The following P2RY6 variants were observed in gnomAD, a reference collection of about 807,000 sequenced individuals.
The protein encoded by P2RY6 is pyrimidinergic receptor P2Y6, also known as P2Y purinoceptor 6.
A neutral mutation model predicts 16.3 loss-of-function variants in P2RY6; 19 were observed. The observed-to-expected ratio is 1.16, with a 90% confidence interval of 0.81 to 1.71. The LOEUF is 1.71. Ranked by LOEUF, P2RY6 falls within the 40% of genes most tolerant of loss-of-function variation. The pLI, the probability that P2RY6 is intolerant of heterozygous loss-of-function variation, is 0.00. For missense variants in P2RY6, 389 were observed against 455.5 expected, an observed-to-expected ratio of 0.85 and a Z score of 1.33; for synonymous variants, 184 against 201.5, an observed-to-expected ratio of 0.91 and a Z score of 0.74.
chr11:73,285,274 A>C (rs1464948307), intron 1 of P2RY6, among the ~76,000 whole-genome samples: 3 of 152,196 alleles, frequency 2.0e-5, no homozygotes, highest in African/African-American at 7.2e-5. Context: ...GGCTTTCTCT[A>C]TGTTGCCCAG....
chr11:73,291,075 C>A (rs1486607233), intron 1 of P2RY6, among the ~76,000 whole-genome samples: 1 of 152,216 alleles, frequency 6.6e-6, no homozygotes, highest in African/African-American at 2.4e-5. Flanking sequence ...GAGGAAGGGG[C>A]AGCTGGCCTT....
chr11:73,283,403 C>T (rs1382229084), intron 1 of P2RY6, among the ~76,000 whole-genome samples: 1 of 152,216 alleles, frequency 6.6e-6, no homozygotes, highest in Non-Finnish European at 1.5e-5. Flanking sequence ...GGAGGTGCCC[C>T]TGCCGGCCCT....
chr11:73,288,895 C>T (rs1042414571), intron 1 of P2RY6, among the ~76,000 whole-genome samples: 7 of 152,210 alleles, frequency 4.6e-5, no homozygotes, highest in South Asian at 2.1e-4. Context: ...GCTAACTCAC[C>T]GGCCAGGGGC....
Position 73,296,991 on chromosome 11 carries a change from AGTGCCTGCCCACAGC to A in P2RY6, c.474_488del (p.Gln158_Ala163delinsHis). 6.2e-7 allele frequency: 1 copy of A among 1,601,484 alleles called. No homozygotes were observed. Among genetic ancestry groups the A allele is most frequent in the Non-Finnish European group, 8.5e-7 (1 of 1,179,920 alleles). On this transcript the variant is annotated inframe_deletion, in exon 3 of 3. Transcript: ENST00000540124. ...GCCGTGTGGCTGGCCGTGACAACCC[AGTGCCTGCCCACAGC>A]CATCTTCGCTGCCACAGGCATCCAG...
chr11:73,292,947 TG>T, intron 1 of P2RY6: 1 of 324,584 alleles, frequency 3.1e-6, no homozygotes, highest in Non-Finnish European at 3.5e-6. Flanking sequence ...CTTGGGGCCA[TG>T]GGCCAGTGCA....
chr11:73,276,914 A>G (rs1863560948), intron 1 of P2RY6, among the ~76,000 whole-genome samples: 1 of 152,198 alleles, frequency 6.6e-6, no homozygotes, highest in Non-Finnish European at 1.5e-5. Flanking sequence ...TATAGAAACT[A>G]CATAGAAGCT....
intron 1 of P2RY6, among the ~76,000 whole-genome samples, chr11:73,294,870 A>G (rs1244632991): frequency 6.6e-6 from 1 of 152,210 alleles, no homozygotes; most frequent in Non-Finnish European, 1.5e-5. Context: ...CAGATGGGGA[A>G]TCTGGAGAAC....
upstream of P2RY6, among the ~76,000 whole-genome samples, chr11:73,270,423 G>A (rs1317289524): frequency 6.6e-6 from 1 of 152,130 alleles, no homozygotes; most frequent in East Asian, 1.9e-4. Flanking sequence ...AGGAGCTGAC[G>A]GGGGGCACAG....
At chr11:73,293,895 G>A (rs1477320675) in intron 1 of P2RY6, among the ~76,000 whole-genome samples, 2 of 152,104 alleles carry the variant, frequency 1.3e-5, no homozygotes, top group Non-Finnish European at 2.9e-5. Flanking sequence ...GTTGAGGGAT[G>A]CAGCACCCCT....
chr11:73,271,637 C>T (rs1863313596), upstream of P2RY6: 1 of 152,256 alleles, frequency 6.6e-6, no homozygotes, highest in Admixed American at 6.5e-5. Context: ...TTTTAACTAC[C>T]AGGCTTAGGT....
chr11:73,292,296 C>CG (rs751556609), intron 1 of P2RY6, among the ~76,000 whole-genome samples: 8 of 151,372 alleles, frequency 5.3e-5, no homozygotes, highest in Non-Finnish European at 1.0e-4. Context: ...AAGAGGGAAG[C>CG]GGGGGGAGAA....
In P2RY6 at chr11:73,289,276, T is replaced by C. The variant is rs572660904; in HGVS notation, c.-120-6454T>C. ...GGAAACTGGAAGAGGCTGTCTCTGC[T>C]GTGAGGGGAGGGGCTGCCGTGTTTT... On this transcript the variant is annotated intron_variant, in intron 1 of 2. Transcript: ENST00000540124. 5.0e-3 allele frequency: 768 copies of C among 152,728 alleles called. 2 individuals are homozygous for C. The highest frequency in any genetic ancestry group is 7.3e-3 in the Non-Finnish European group (497 of 68,286). The allele number at this position is 152,728 out of a possible 1,614,324, so 9.5% of individuals were successfully genotyped here.
chr11:73,297,123 TG>T lies in P2RY6; in HGVS notation c.606del (p.Leu203CysfsTer156). On this transcript the variant is annotated frameshift_variant, in exon 3 of 3. Transcript: ENST00000540124. LOFTEE classifies it high-confidence loss of function. ...YGMALTVIGF[L>X]LPFAALLACY... ...ATGGCTCTCACTGTCATCGGCTTCC[TG>T]CTGCCCTTTGCTGCCCTGCTGGCCT... 6.2e-7 allele frequency: 1 copy of T among 1,604,484 alleles called. No homozygotes were observed. The highest frequency in any genetic ancestry group is 8.5e-7 in the Non-Finnish European group (1 of 1,179,920).
chr11:73,291,255 G>A (rs187329394), intron 1 of P2RY6, among the ~76,000 whole-genome samples: 1 of 152,182 alleles, frequency 6.6e-6, no homozygotes, highest in East Asian at 1.9e-4. Flanking sequence ...ATCCATCCAG[G>A]TTGCAGGGAC....
intron 1 of P2RY6, among the ~76,000 whole-genome samples, chr11:73,274,339 T>C (rs1184490587): frequency 6.6e-6 from 1 of 152,036 alleles, no homozygotes; most frequent in East Asian, 1.9e-4. Context: ...TCCGTCAAAA[T>C]TGAGCTGAAA....
chr11:73,284,552 G>A (rs545056726), intron 1 of P2RY6, among the ~76,000 whole-genome samples: 51 of 152,276 alleles, frequency 3.3e-4, no homozygotes, highest in East Asian at 1.9e-3. Flanking sequence ...TCACACACAC[G>A]GCCAGGCAGA....
In P2RY6 at chr11:73,296,491, T is replaced by C. The variant is rs756908809; in HGVS notation, c.-28T>C. 2 of 1,606,464 alleles carry C rather than the reference T, an allele frequency of 1.2e-6. No individual in the cohort carries two copies. The highest frequency in any genetic ancestry group is 1.7e-6 in the Non-Finnish European group (2 of 1,174,358). ...CTGTGTATTGCTTTCCCAGCCTCCC[T>C]GAACATAGGAAACCCACCTGGGCAG... On this transcript the variant is annotated 5_prime_UTR_variant, in exon 3 of 3. An upstream open reading frame in the 5' UTR loses its in-frame stop. Coordinates refer to ENST00000540124, the MANE Select transcript of P2RY6 (RefSeq NM_001277204.2).
upstream of P2RY6, among the ~76,000 whole-genome samples, chr11:73,271,045 T>C (rs963189683): frequency 4.6e-5 from 7 of 152,216 alleles, no homozygotes; most frequent in African/African-American, 7.2e-5. Context: ...GGCAGGACTT[T>C]GTTTTTTGAC....
At chr11:73,287,799 G>C (rs1034796235) in intron 1 of P2RY6, among the ~76,000 whole-genome samples, 7 of 152,258 alleles carry the variant, frequency 4.6e-5, no homozygotes, top group African/African-American at 1.7e-4. Flanking sequence ...ACTAGCTCCA[G>C]GGGAGAGTTT....
Sources: gnomAD v4.1 joint callset for allele counts (sites outside exome capture counted in the v4.1 genomes callset) on GRCh38, gnomAD v4.1.1 for gene constraint, MANE v1.5 for transcripts, NCBI Gene and HGNC (gene_info 2026-07-23, HGNC 2026-07-21) for gene names.